The following SHC3 variants were observed in gnomAD, a reference collection of about 807,000 sequenced individuals.
SHC3 encodes the protein SHC-transforming protein 3.
A neutral mutation model predicts 60.4 loss-of-function variants in SHC3; 15 were observed. The ratio of observed to expected loss-of-function variants is 0.25; its 90% CI spans 0.17 to 0.38. The LOEUF is 0.38. Among genes scored for constraint, SHC3 ranks in the 10% least tolerant of loss-of-function variants. SHC3 has a pLI of 1.00. For missense variants in SHC3, 677 were observed against 786.1 expected (o/e 0.86, Z 1.66); for synonymous variants, 294 against 325.9 (o/e 0.90, Z 1.05).
At chr9:89,114,258 T>C (rs1564154637) in intron 1 of SHC3, among the ~76,000 whole-genome samples, 1 of 152,138 alleles carries the variant, frequency 6.6e-6, no homozygotes, top group Non-Finnish European at 1.5e-5. Context: ...ATTACGTAAA[T>C]ATCATGCCAA....
At chr9:89,018,519 G>A (rs1456490912) in intron 11 of SHC3, among the ~76,000 whole-genome samples, 1 of 152,052 alleles carries the variant, frequency 6.6e-6, no homozygotes, top group Admixed American at 6.5e-5. Flanking sequence ...ATAGCATTAG[G>A]AGAAATACCT....
rs554851371 is a variant in SHC3 at position 89,058,763 on chromosome 9, G to A, written c.836-6600C>T. ...AAGGGCGGTGGTGGAGGATGGTGGT[G>A]GAGGATGTGATATAGGATGTGGTGG... On this transcript the variant is annotated intron_variant, in intron 6 of 11. Coordinates refer to ENST00000375835, the MANE Select transcript of SHC3 (RefSeq NM_016848.6). Among the ~76,000 whole-genome samples the A allele has an allele frequency of 3.5e-4, 52 of 150,318 alleles. 2 individuals carry two copies. The highest frequency in any genetic ancestry group is 3.1e-3 in the Admixed American group (47 of 15,152).
At chr9:89,069,329 C>T (rs1825233179) in intron 5 of SHC3, among the ~76,000 whole-genome samples, 1 of 152,042 alleles carries the variant, frequency 6.6e-6, no homozygotes, top group Non-Finnish European at 1.5e-5. Flanking sequence ...CTGGGGAAGA[C>T]TTCCACTTTC....
At chr9:89,169,589 A>G (rs935962088) in intron 1 of SHC3, among the ~76,000 whole-genome samples, 7 of 152,098 alleles carry the variant, frequency 4.6e-5, no homozygotes, top group African/African-American at 1.7e-4. Flanking sequence ...GAATTTGGAC[A>G]TCCAGGCCAC....
In SHC3 at chr9:89,025,730, T is replaced by C. The variant is rs185123783; in HGVS notation, c.1657-12155A>G. Among the ~76,000 whole-genome samples, 7 of 152,320 alleles carry C rather than the reference T, an allele frequency of 4.6e-5. No individual in the cohort carries two copies. The East Asian group carries it at 1.3e-3, about 29-fold the overall frequency. On this transcript the variant is annotated intron_variant, in intron 11 of 11. Coordinates refer to ENST00000375835, the MANE Select transcript of SHC3 (RefSeq NM_016848.6). ...ACCCAATTCCAGCCTGACTCTAGCA[T>C]AGCATCACATGACAGATAGCAGGCC... is the stretch of plus-strand genomic sequence containing the variant.
chr9:89,150,094 G>A (rs1476523841), intron 1 of SHC3, among the ~76,000 whole-genome samples: 2 of 152,108 alleles, frequency 1.3e-5, no homozygotes, highest in African/African-American at 2.4e-5. Flanking sequence ...TTGTTCTGAT[G>A]TATTATTAGT....
intron 1 of SHC3, among the ~76,000 whole-genome samples, chr9:89,160,836 G>T (rs1288528705): frequency 6.6e-6 from 1 of 152,144 alleles, no homozygotes; most frequent in East Asian, 1.9e-4. Context: ...AAAGATTTTG[G>T]GTGGGCTGTG....
chr9:89,065,318 T>C (rs1825160255), intron 6 of SHC3, among the ~76,000 whole-genome samples: 1 of 152,212 alleles, frequency 6.6e-6, no homozygotes, highest in Non-Finnish European at 1.5e-5. Context: ...GCTATCTGGA[T>C]ACAAGCGTGT....
chr9:89,042,854 G>C lies in SHC3; in HGVS notation c.1202-670C>G, dbSNP rs1157861099. Among the ~76,000 whole-genome samples, 4 of 152,116 alleles carry C rather than the reference G, an allele frequency of 2.6e-5. 1 individual carries two copies. In the East Asian group the frequency reaches 7.8e-4, roughly 30 times the overall value. On this transcript the variant is annotated intron_variant, in intron 9 of 11. Transcript: ENST00000375835. ...AAGGCTGTTCTGTCACCGAGACCTA[G>C]TGTGAAAGACCTAGTGCCTTGACAG...
chr9:89,077,967 C>T, intron 2 of SHC3, 64 bp from the exon 3 acceptor site: 1 of 1,567,480 alleles, frequency 6.4e-7, no homozygotes, highest in South Asian at 1.1e-5. Context: ...CCCAGAGATG[C>T]TACACTTGCA....
chr9:89,089,403 G>A (rs1484837671), intron 2 of SHC3, among the ~76,000 whole-genome samples: 3 of 152,174 alleles, frequency 2.0e-5, no homozygotes, highest in Non-Finnish European at 4.4e-5. Context: ...GCTGATCTTG[G>A]AGCCTGGGGG....
At chr9:89,158,387 T>C (rs1011798537) in intron 1 of SHC3, among the ~76,000 whole-genome samples, 1 of 152,196 alleles carries the variant, frequency 6.6e-6, no homozygotes, top group Non-Finnish European at 1.5e-5. Flanking sequence ...CCATGCTCTG[T>C]ATGACTTTAA....
intron 5 of SHC3, among the ~76,000 whole-genome samples, chr9:89,070,292 T>C (rs1825249216): frequency 6.6e-6 from 1 of 152,186 alleles, no homozygotes; most frequent in Admixed American, 6.5e-5. Flanking sequence ...CCCAGACGCA[T>C]AAAAATTAAG....
intron 1 of SHC3, among the ~76,000 whole-genome samples, chr9:89,165,564 A>G (rs2118254026): frequency 6.6e-6 from 1 of 151,242 alleles, no homozygotes; most frequent in East Asian, 1.9e-4. Flanking sequence ...ATGAATCAGA[A>G]TAAAAGGAAG....
At chr9:89,115,314 CATA>C (rs778891661) in intron 1 of SHC3, among the ~76,000 whole-genome samples, 9 of 152,144 alleles carry the variant, frequency 5.9e-5, no homozygotes, top group Non-Finnish European at 1.2e-4. Context: ...TGAATACCAC[CATA>C]ACCAACACCA....
At chr9:89,153,850 C>G (rs922658406) in intron 1 of SHC3, among the ~76,000 whole-genome samples, 2 of 152,228 alleles carry the variant, frequency 1.3e-5, no homozygotes, top group African/African-American at 4.8e-5. Context: ...CTGGGTTTAA[C>G]AGTAGGACTG....
chr9:89,050,702 T>A (rs1311372323), intron 7 of SHC3, among the ~76,000 whole-genome samples: 1 of 152,232 alleles, frequency 6.6e-6, no homozygotes, highest in Non-Finnish European at 1.5e-5. Flanking sequence ...CTTGCTCTTT[T>A]TTATTTCATT....
rs1280513074 is a variant in SHC3, at chr9:89,099,422, A to T, written c.545+13134T>A. Among the ~76,000 whole-genome samples the T allele has an allele frequency of 1.1e-4, 16 of 152,346 alleles. 1 individual carries two copies. The highest frequency in any genetic ancestry group is 6.8e-3 in the Middle Eastern group (2 of 294). The stretch of plus-strand genomic sequence containing the variant: ...GAATTGTTCACGTTTGTGCTTTTCT[A>T]TGGAATATCATCCTCTGAGCCATCA... On this transcript the variant is annotated intron_variant, in intron 2 of 11. Transcript: ENST00000375835.
Position 89,056,457 on chromosome 9 carries a change from T to C in SHC3, c.836-4294A>G, listed in dbSNP as rs1273925770. On this transcript the variant is annotated intron_variant, in intron 6 of 11. Coordinates refer to ENST00000375835, the MANE Select transcript of SHC3 (RefSeq NM_016848.6). ...TTTCACCATGTTGACCAAGCTGGTC[T>C]CGAACTCCTGGCCTCAAGTGATAAA... 2.6e-5 allele frequency among the ~76,000 whole-genome samples: 4 copies of C among 152,204 alleles called. 1 individual carries two copies. The highest frequency in any genetic ancestry group is 5.9e-5 in the Non-Finnish European group (4 of 68,034).
Sources: gnomAD v4.1 joint callset for allele counts (sites outside exome capture counted in the v4.1 genomes callset) on GRCh38, gnomAD v4.1.1 for gene constraint, MANE v1.5 for transcripts, NCBI Gene and HGNC (gene_info 2026-07-23, HGNC 2026-07-21) for gene names.